CFHR4: variants seen among roughly 807,000 people sequenced by gnomAD.
CFHR4 encodes the protein complement factor H-related protein 4.
Under a neutral mutation model 69.3 loss-of-function variants are expected in CFHR4, and 64 were observed. That is an observed-to-expected ratio of 0.92 (90% CI 0.76 to 1.14). The LOEUF is 1.14. Ranked by LOEUF, CFHR4 falls within the 50% of genes most tolerant of loss-of-function variation. CFHR4 has a pLI of 0.00. For synonymous variants in CFHR4, 244 were observed against 237.0 expected, an observed-to-expected ratio of 1.03 and a Z score of -0.27; for missense variants, 636 against 684.9, an observed-to-expected ratio of 0.93 and a Z score of 0.80.
intron 1 of CFHR4, among the ~76,000 whole-genome samples, chr1:196,900,317 AT>A (rs36051521): frequency 0.011 from 1,411 of 133,984 alleles, 47 homozygotes; most frequent in African/African-American, 0.036. Flanking sequence ...CATAGGTGGA[AT>A]TTTTTTTTTT....
At position 196,894,889 on chromosome 1, in the gene CFHR4, A is replaced by AAACAACAACAACAACAACAACAAC. The variant is rs56866921; in HGVS notation, c.58+6701_58+6702insCAACAACAACAACAACAACAACAA. 1.1e-3 allele frequency among the ~76,000 whole-genome samples: 167 copies of AAACAACAACAACAACAACAACAAC among 149,068 alleles called. 4 individuals are homozygous for AAACAACAACAACAACAACAACAAC. The highest frequency in any genetic ancestry group is 3.8e-3 in the African/African-American group (153 of 39,906). Reference sequence around the variant, plus strand: ...AAGCATGGCAAAACCCTGTCTCTAAAAACAACAACAACAACAACAAATTAT... The same window carrying AAACAACAACAACAACAACAACAAC: ...AAGCATGGCAAAACCCTGTCTCTAAAAACAACAACAACAACAACAACAACAACAACAACAACAACAACAAATTAT... On this transcript the variant is annotated intron_variant, in intron 1 of 9. Transcript: ENST00000608469.
chr1:196,910,315 T>C lies in CFHR4; in HGVS notation c.834T>C (p.His278=). 3.7e-6 allele frequency: 6 copies of C among 1,603,146 alleles called. No individual in the cohort carries two copies. The highest frequency in any genetic ancestry group is 5.1e-6 in the Non-Finnish European group (6 of 1,174,282). Residue 278 remains histidine (H), a synonymous_variant, in exon 6 of 10, where the codon CAT becomes CAC. Coordinates refer to ENST00000608469, the MANE Select transcript of CFHR4 (RefSeq NM_001201550.3). ...MKPCEFPEIQ[H]GHLYYENTRR... The stretch of plus-strand genomic sequence containing the variant: ...CTTGTGAGTTTCCAGAAATTCAACA[T>C]GGACATCTATATTATGAGAATACGC...
At chr1:196,891,696 A>G (rs1657048719) in intron 1 of CFHR4, among the ~76,000 whole-genome samples, 2 of 151,622 alleles carry the variant, frequency 1.3e-5, no homozygotes, top group African/African-American at 4.9e-5. Flanking sequence ...CAGAATTATA[A>G]AGAACTTGAT....
chr1:196,894,725 A>G (rs1443740229), intron 1 of CFHR4, among the ~76,000 whole-genome samples: 8 of 151,450 alleles, frequency 5.3e-5, no homozygotes, highest in Non-Finnish European at 5.9e-5. Flanking sequence ...CTCTTGCTGC[A>G]TACAAGACTC....
In CFHR4 at chr1:196,892,525, C is replaced by T. The variant is rs1316008828; in HGVS notation, c.58+4317C>T. Among the ~76,000 whole-genome samples, 7 of 150,440 alleles carry T rather than the reference C, an allele frequency of 4.7e-5. 1 individual carries two copies. In the South Asian group the frequency reaches 6.3e-4, roughly 13 times the overall value. ...TAATGAGAATGATTAACATGAATTT[C>T]CCCCAAAAAAAGTTCTGTCAATAAT... On this transcript the variant is annotated intron_variant, in intron 1 of 9. Transcript: ENST00000608469.
Position 196,897,389 on chromosome 1 carries a change from T to C in CFHR4, c.59-5029T>C, listed in dbSNP as rs570574652. ...AGATTTGCTGTCTGCAGACGGCTTGTGTGTTAATCCGCTCAATGGACCCTC... is the reference window on the plus strand; with the variant it reads ...AGATTTGCTGTCTGCAGACGGCTTGCGTGTTAATCCGCTCAATGGACCCTC... On this transcript the variant is annotated intron_variant, in intron 1 of 9. Transcript: ENST00000608469. 3.1e-3 allele frequency among the ~76,000 whole-genome samples: 474 copies of C among 151,582 alleles called. 4 individuals are homozygous for C. The highest frequency in any genetic ancestry group is 4.9e-3 in the Non-Finnish European group (334 of 67,926).
In CFHR4 at chr1:196,918,408, G is replaced by C. The variant is rs1658785619; in HGVS notation, c.*2G>C. The C allele has an allele frequency of 6.2e-7, 1 of 1,609,690 alleles. No individual in the cohort carries two copies. The highest frequency in any genetic ancestry group is 1.3e-5 in the African/African-American group (1 of 74,192). On this transcript the variant is annotated 3_prime_UTR_variant, in exon 10 of 10. Coordinates refer to ENST00000608469, the MANE Select transcript of CFHR4 (RefSeq NM_001201550.3). ...GTGGAATACCCCAGATGCGAATAAG[G>C]CAGCATTGTTACCCTAAATGTATGT... is the stretch of plus-strand genomic sequence containing the variant.
chr1:196,902,375 T>C (rs1295931076), intron 1 of CFHR4, 43 bp from the exon 2 acceptor site: 3 of 1,305,134 alleles, frequency 2.3e-6, no homozygotes, highest in Non-Finnish European at 3.3e-6. Flanking sequence ...TTATCTGTTA[T>C]AGAAAAACAT....
chr1:196,897,860 G>A (rs1657397251), intron 1 of CFHR4, among the ~76,000 whole-genome samples: 1 of 151,260 alleles, frequency 6.6e-6, no homozygotes, highest in Non-Finnish European at 1.5e-5. Context: ...GGTCGGGGTG[G>A]GGCCTTTGAC....
intron 5 of CFHR4, among the ~76,000 whole-genome samples, chr1:196,908,043 C>A (rs549775004): frequency 1.3e-5 from 2 of 151,278 alleles, no homozygotes; most frequent in African/African-American, 2.4e-5. Flanking sequence ...TCCTTCTCAG[C>A]AAACTATCAC....
At chr1:196,908,407 T>C (rs1025021601) in intron 5 of CFHR4, among the ~76,000 whole-genome samples, 1 of 151,554 alleles carries the variant, frequency 6.6e-6, no homozygotes, top group African/African-American at 2.4e-5. Flanking sequence ...TCTCTGATTA[T>C]TGTTTTTTTC....
chr1:196,911,040 T>C lies in CFHR4; in HGVS notation c.997+562T>C, dbSNP rs902106942. The stretch of plus-strand genomic sequence containing the variant: ...TTCAAATGTGCAGACCACAGTTCCA[T>C]GTACAGAGGATGAATGGTCTCCTCC... On this transcript the variant is annotated intron_variant, in intron 6 of 9. Transcript: ENST00000608469. 2.0e-5 allele frequency among the ~76,000 whole-genome samples: 3 copies of C among 151,448 alleles called. No homozygotes were observed. In the East Asian group the frequency reaches 5.8e-4, roughly 29 times the overall value.
intron 2 of CFHR4, among the ~76,000 whole-genome samples, chr1:196,903,865 T>C (rs1657757541): frequency 6.6e-6 from 1 of 151,468 alleles, no homozygotes; most frequent in African/African-American, 2.4e-5. Flanking sequence ...CTCACAATTA[T>C]ATGACATCTA....
chr1:196,913,391 G>A (rs548760208), intron 7 of CFHR4, among the ~76,000 whole-genome samples: 1 of 151,462 alleles, frequency 6.6e-6, no homozygotes, highest in Admixed American at 6.6e-5. Flanking sequence ...TTGTATCAAT[G>A]ATGCTACTGA....
chr1:196,906,308 A>AATTTCT (rs1657905168), intron 3 of CFHR4, among the ~76,000 whole-genome samples: 1 of 151,530 alleles, frequency 6.6e-6, no homozygotes, highest in African/African-American at 2.4e-5. Context: ...TACTGTTTTC[A>AATTTCT]ATTTCTATGC....
At chr1:196,912,487 C>T (rs1272058195) in intron 6 of CFHR4, among the ~76,000 whole-genome samples, 1 of 151,140 alleles carries the variant, frequency 6.6e-6, no homozygotes, top group Non-Finnish European at 1.5e-5. Context: ...CCTTAAGGCC[C>T]GCCAGAGCTC....
rs1267203914 is a variant in CFHR4 at position 196,910,489 on chromosome 1, C to T, written c.997+11C>T. On this transcript the variant is annotated intron_variant, in intron 6 of 9. Transcript: ENST00000608469. ...CAGTCCCATGCCTCAGTAAGCAAACCTCTTTACAACAATATGTGCATAAAA... is the reference window on the plus strand; with the variant it reads ...CAGTCCCATGCCTCAGTAAGCAAACTTCTTTACAACAATATGTGCATAAAA... 6.3e-6 allele frequency: 10 copies of T among 1,599,192 alleles called. No homozygotes were observed. The Admixed American group carries it at 6.7e-5, about 11-fold the overall frequency.
intron 1 of CFHR4, among the ~76,000 whole-genome samples, chr1:196,889,016 A>G (rs558090620): frequency 6.6e-6 from 1 of 151,494 alleles, no homozygotes; most frequent in East Asian, 1.9e-4. Flanking sequence ...GTGGAACCAC[A>G]TGGGTCAAAA....
intron 2 of CFHR4, among the ~76,000 whole-genome samples, chr1:196,903,510 G>A (rs964413711): frequency 3.3e-5 from 5 of 150,870 alleles, no homozygotes; most frequent in South Asian, 2.1e-4. Flanking sequence ...AAAATTAGCC[G>A]TGTGCAGTGG....
Sources: allele counts gnomAD v4.1 joint callset (sites outside exome capture counted in the v4.1 genomes callset), GRCh38; gene constraint gnomAD v4.1.1; transcripts MANE v1.5; gene names NCBI Gene and HGNC (gene_info 2026-07-23, HGNC 2026-07-21).